ZAN: variants seen among roughly 807,000 people sequenced by gnomAD.
The protein encoded by ZAN is zonadhesin, also known as zonadhesin (gene/pseudogene).
A neutral mutation model predicts 286.2 loss-of-function variants in ZAN; 260 were observed. The ratio of observed to expected loss-of-function variants is 0.91; its 90% confidence interval spans 0.82 to 1.01. ZAN has a LOEUF of 1.01. Among genes scored for constraint, ZAN ranks in the 50% least tolerant of loss-of-function variants. The pLI, the probability that ZAN is intolerant of heterozygous loss-of-function variation, is 0.00. For missense variants in ZAN, 3,410 were observed against 3,639.2 expected, an observed-to-expected ratio of 0.94 and a Z score of 1.62; for synonymous variants, 1,368 against 1,417.5, an observed-to-expected ratio of 0.97 and a Z score of 0.79.
At chr7:100,755,493 G>C in intron 15 of ZAN, 83 bp downstream of exon 15, 1 of 1,510,078 alleles carries the variant, frequency 6.6e-7, no homozygotes, top group Non-Finnish European at 9.0e-7. Context: ...CTCCCCATGT[G>C]AAGGCAACAG....
intron 37 of ZAN, among the ~76,000 whole-genome samples, chr7:100,786,741 A>G (rs1811588398): frequency 6.6e-6 from 1 of 151,916 alleles, no homozygotes; most frequent in Admixed American, 6.6e-5. Flanking sequence ...GCCAGGAGAT[A>G]GAGAAAATTG....
In ZAN at chr7:100,750,732, G is replaced by T. The variant is rs781173241; in HGVS notation, c.1357G>T (p.Ala453Ser). ...CCCAGGTGACATCTGCGTGGAGTTC[G>T]CATACCACATGTATGGCCTTGGGGA... ...CAPGDICVEF[A>S]YHMYGLGEGT... The change falls in exon 12 of 48, where the codon GCA (alanine) becomes TCA (serine). Residue 453 changes from alanine (A) to serine (S), a missense_variant. Physicochemically the swap from Ala to Ser is moderately conservative, Grantham distance 99. This residue lies in a region of ZAN where 872 missense variants were observed against 938.9 expected (regional missense o/e 0.93). Coordinates refer to ENST00000613979, the MANE Select transcript of ZAN (RefSeq NM_003386.3). 5.6e-6 allele frequency: 9 copies of T among 1,612,854 alleles called. 1 individual carries two copies. In the South Asian group the frequency reaches 8.8e-5, roughly 16 times the overall value.
In ZAN at chr7:100,750,506, G is replaced by T. The variant is rs3847057; in HGVS notation, c.1250-119G>T. The T allele has an allele frequency of 7.3e-6, 9 of 1,232,958 alleles. No individual in the cohort carries two copies. In the East Asian group the frequency reaches 1.8e-4, roughly 25 times the overall value. 76.4% of individuals were successfully genotyped at this position (1,232,958 alleles called of 1,614,324 possible). A position where few individuals can be genotyped will look rare whatever the true frequency, so the allele number is the denominator to read the frequency against. On this transcript the variant is annotated intron_variant, in intron 11 of 47. Coordinates refer to ENST00000613979, the MANE Select transcript of ZAN (RefSeq NM_003386.3). ...AAATGAGCAGAAAAAATAATGCTAC[G>T]ACCTGGGAAATTTGAGTGTTTGCTC...
At position 100,790,932 on chromosome 7, in the gene ZAN, C is replaced by T. The variant is rs377524121; in HGVS notation, c.7358-10C>T. ...GAGTCTCACTTCTGGGGACCCCCTT[C>T]CTCCCGCAGTGATCTCCCTACCCAG... On this transcript the variant is annotated splice_polypyrimidine_tract_variant and intron_variant, in intron 39 of 47. Coordinates refer to ENST00000613979, the MANE Select transcript of ZAN (RefSeq NM_003386.3). 1.5e-4 allele frequency: 242 copies of T among 1,598,932 alleles called. 1 individual carries two copies. The African/African-American group carries it at 2.9e-3, about 19-fold the overall frequency.
rs114863851 is a variant in ZAN at position 100,746,710 on chromosome 7, C to A, written c.931+8C>A. On this transcript the variant is annotated splice_region_variant and intron_variant, in intron 8 of 47. Transcript: ENST00000613979. ...TTTATGCTTCAGTCTTGGGTTAGAG[C>A]GGAGAATTAATGGGATTTACACTGA... 8.2e-5 allele frequency: 133 copies of A among 1,613,548 alleles called. No homozygotes were observed. The East Asian group carries it at 2.4e-3, about 29-fold the overall frequency.
At position 100,759,737 on chromosome 7, in the gene ZAN, G is replaced by A. The variant is rs1809411328; in HGVS notation, c.3588G>A (p.Val1196=). 2 of 1,589,628 alleles carry A rather than the reference G, an allele frequency of 1.3e-6. No individual in the cohort carries two copies. The highest frequency in any genetic ancestry group is 1.7e-6 in the Non-Finnish European group (2 of 1,168,180). Reference sequence around the variant, plus strand: ...CCTACCCAGACCCATTCTTCAGGGTGACAGCCAAGAATGAGGAGCAGGGAC... The same window carrying A: ...CCTACCCAGACCCATTCTTCAGGGTAACAGCCAAGAATGAGGAGCAGGGAC... ...CGNSTDPFFR[V]TAKNEEQGQE... is the part of the protein sequence containing the mutation. The change falls in exon 18 of 48, where the codon GTG becomes GTA. Residue 1196 remains valine (V), a synonymous_variant. Coordinates refer to ENST00000613979, the MANE Select transcript of ZAN (RefSeq NM_003386.3).
chr7:100,758,722 T>C, intron 17 of ZAN, 72 bp downstream of exon 17: 2 of 1,524,482 alleles, frequency 1.3e-6, no homozygotes, highest in Non-Finnish European at 8.8e-7. Context: ...TGGGGCATGG[T>C]GGGTGGCAGG....
At chr7:100,742,895 C>G (rs537477875) in intron 7 of ZAN, among the ~76,000 whole-genome samples, 527 of 2,258 alleles carry the variant, frequency 0.23, 12 homozygotes, top group Middle Eastern at 0.33. Context: ...GGGAGGGGGA[C>G]GGGGACGATC....
rs778711846 is a variant in ZAN at position 100,763,804 on chromosome 7, A to G, written c.3987-2A>G. The G allele has an allele frequency of 1.2e-6, 2 of 1,613,790 alleles. No homozygotes were observed. Among genetic ancestry groups the G allele is most frequent in the Non-Finnish European group, 1.7e-6 (2 of 1,179,766 alleles). ...AGGGAGTTTGGGGTGGGTCTCTTGCAGGTGTCAGAAGTACCAGGTGGTGAA... is the reference window on the plus strand; with the variant it reads ...AGGGAGTTTGGGGTGGGTCTCTTGCGGGTGTCAGAAGTACCAGGTGGTGAA... On this transcript the variant is annotated splice_acceptor_variant, in intron 20 of 47. Coordinates refer to ENST00000613979, the MANE Select transcript of ZAN (RefSeq NM_003386.3). LOFTEE classifies it high-confidence loss of function. The surrounding 1 kb of genome is among the most constrained non-coding windows in gnomAD (Gnocchi z 4.6).
intron 40 of ZAN, among the ~76,000 whole-genome samples, chr7:100,791,516 C>T (rs568702095): frequency 1.3e-5 from 2 of 151,992 alleles, no homozygotes; most frequent in East Asian, 1.9e-4. Flanking sequence ...AAGTGATTCT[C>T]GTGCCTCAGC....
At chr7:100,779,926 G>A (rs1339634567) in intron 35 of ZAN, among the ~76,000 whole-genome samples, 176 bp downstream of exon 35, 10 of 152,134 alleles carry the variant, frequency 6.6e-5, no homozygotes, top group Non-Finnish European at 1.5e-4. Context: ...TGGGTGTGGT[G>A]GCTCACGCCT....
At chr7:100,738,903 C>T (rs188177709) in intron 7 of ZAN, among the ~76,000 whole-genome samples, 756 of 3,658 alleles carry the variant, frequency 0.21, 49 homozygotes, top group South Asian at 0.34. Context: ...CTCCCTCTCC[C>T]TCTCCCTCTC....
At position 100,740,306 on chromosome 7, in the gene ZAN, T is replaced by TTTA. The variant is rs1198739922; in HGVS notation, c.766+1693_766+1694insTTA. On this transcript the variant is annotated intron_variant, in intron 7 of 47. Coordinates refer to ENST00000613979, the MANE Select transcript of ZAN (RefSeq NM_003386.3). ...TCTGACTTATTTATTTTTTTTTTTT[T>TTTA]AATTTATTTTTTTATTGATAATTCT... 1.6e-4 allele frequency among the ~76,000 whole-genome samples: 21 copies of TTTA among 130,552 alleles called. 4 individuals are homozygous for TTTA. Among genetic ancestry groups the TTTA allele is most frequent in the African/African-American group, 5.6e-4 (19 of 33,720 alleles). The allele number at this position is 130,552 out of a possible 152,430, so 85.6% of individuals were successfully genotyped here.
At chr7:100,782,562 C>T (rs1054718831) in intron 35 of ZAN, among the ~76,000 whole-genome samples, 3 of 152,146 alleles carry the variant, frequency 2.0e-5, no homozygotes, top group African/African-American at 7.2e-5. Flanking sequence ...AACTCCTGGC[C>T]TCAAGTGATC....
Position 100,792,625 on chromosome 7 carries a change from A to ATC in ZAN, c.7787+149_7787+150dup, listed in dbSNP as rs1334851354. The ATC allele has an allele frequency of 3.4e-6, 5 of 1,454,516 alleles. No individual in the cohort carries two copies. The African/African-American group carries it at 7.2e-5, about 21-fold the overall frequency. The allele number at this position is 1,454,516 out of a possible 1,614,324, so 90.1% of individuals were successfully genotyped here. A position where few individuals can be genotyped will look rare whatever the true frequency, so the allele number is the denominator to read the frequency against. On this transcript the variant is annotated intron_variant, in intron 42 of 47. Transcript: ENST00000613979. ...TGAACGCTCTTCCCACCATTGCCTC[A>ATC]TCTCGGGCTTTCTGTCTTAGTCCCA...
At chr7:100,787,563 GT>G (rs1228734304) in intron 37 of ZAN, among the ~76,000 whole-genome samples, 1 of 130,726 alleles carries the variant, frequency 7.6e-6, no homozygotes, top group African/African-American at 2.8e-5. Flanking sequence ...CTTTTGTTTT[GT>G]TTTTTGTTTT....
intron 11 of ZAN, among the ~76,000 whole-genome samples, chr7:100,749,297 G>A (rs924328871): frequency 6.7e-6 from 1 of 150,304 alleles, no homozygotes; most frequent in Admixed American, 6.6e-5. Context: ...AGCTGAGATC[G>A]CACCACTGCA....
chr7:100,782,071 T>C (rs1330489778), intron 35 of ZAN, among the ~76,000 whole-genome samples: 1 of 152,210 alleles, frequency 6.6e-6, no homozygotes, highest in Non-Finnish European at 1.5e-5. Flanking sequence ...ATTTTTCCAT[T>C]GAGTCGTTGG....
chr7:100,743,212 A>G (rs934286127), intron 7 of ZAN, among the ~76,000 whole-genome samples: 2 of 151,616 alleles, frequency 1.3e-5, no homozygotes, highest in Admixed American at 1.3e-4. Flanking sequence ...TTTAGTAGAG[A>G]TGGGGTTTCA....
Sources: gnomAD v4.1 joint callset for allele counts (sites outside exome capture counted in the v4.1 genomes callset) on GRCh38, gnomAD v4.1.1 for gene constraint, gnomAD v4.1.1 regional missense constraint, Gnocchi (gnomAD v3.1) non-coding constraint, MANE v1.5 for transcripts, NCBI Gene and HGNC (gene_info 2026-07-23, HGNC 2026-07-21) for gene names.